The following C2orf76 variants were observed in gnomAD, a reference collection of about 807,000 sequenced individuals.
C2orf76 encodes the protein UPF0538 protein C2orf76.
C2orf76 carries 23 observed loss-of-function variants against 16.9 expected under a neutral mutation model. The ratio of observed to expected loss-of-function variants is 1.36; its 90% CI spans 0.98 to 1.93. C2orf76 has a LOEUF of 1.93. C2orf76 is among the 30% of genes most tolerant of loss of function. The pLI, the probability that C2orf76 is intolerant of heterozygous loss-of-function variation, is 0.00. For missense variants in C2orf76, 152 were observed against 152.6 expected (o/e 1.00, Z 0.02); for synonymous variants, 48 against 52.3 (o/e 0.92, Z 0.35).
At chr2:119,311,587 GT>G in intron 5 of C2orf76, 34 bp downstream of exon 5, 1 of 1,602,784 alleles carries the variant, frequency 6.2e-7, no homozygotes, top group Non-Finnish European at 8.5e-7. Context: ...GCCGGCAGAG[GT>G]CCCCCTCCAG....
At chr2:119,341,958 A>G (rs1680045574) in intron 1 of C2orf76, among the ~76,000 whole-genome samples, 1 of 152,226 alleles carries the variant, frequency 6.6e-6, no homozygotes, top group Admixed American at 6.5e-5. Flanking sequence ...TCTTTAGTAA[A>G]ACTGAAGATA....
At chr2:119,334,212 AG>A (rs1679765520) in intron 2 of C2orf76, among the ~76,000 whole-genome samples, 1 of 152,168 alleles carries the variant, frequency 6.6e-6, no homozygotes, top group Admixed American at 6.5e-5. Flanking sequence ...GTAGTTGCCA[AG>A]GGTGCAGCAT....
downstream of C2orf76, among the ~76,000 whole-genome samples, chr2:119,300,322 T>C (rs1451151914): frequency 6.6e-6 from 1 of 152,220 alleles, no homozygotes; most frequent in Non-Finnish European, 1.5e-5. Flanking sequence ...AGGCCAGGCC[T>C]TCCAAACTTC....
Position 119,302,514 on chromosome 2 carries a change from T to C in C2orf76, c.339A>G (p.Glu113=). 1 of 1,513,712 alleles carries C rather than the reference T, an allele frequency of 6.6e-7. No homozygotes were observed. Among genetic ancestry groups the C allele is most frequent in the Non-Finnish European group, 9.0e-7 (1 of 1,116,834 alleles). The allele number at this position is 1,513,712 out of a possible 1,614,324, so 93.8% of individuals were successfully genotyped here. A position where few individuals can be genotyped will look rare whatever the true frequency, so the allele number is the denominator to read the frequency against. Residue 113 remains glutamate, a synonymous_variant, in exon 6 of 6, where the codon GAA becomes GAG. Coordinates refer to ENST00000334816, the MANE Select transcript of C2orf76 (RefSeq NM_001322331.2). ...GATTAGCTTTGTAGTTCTTATAATC[T>C]TCTTCACAGAAGAATGCAATTTCAG... ...SETEIAFFCE[E]DYKNYKANPI...
the C2orf76 span, among the ~76,000 whole-genome samples, chr2:119,293,726 C>T: frequency 3.3e-5 from 5 of 152,258 alleles, no homozygotes; most frequent in East Asian, 1.9e-4. Flanking sequence ...ATACTCTGAA[C>T]GCCCGTGGAG....
At chr2:119,330,667 T>G (rs577255786) in intron 2 of C2orf76, among the ~76,000 whole-genome samples, 1 of 152,280 alleles carries the variant, frequency 6.6e-6, no homozygotes, top group Non-Finnish European at 1.5e-5. Flanking sequence ...CCCGTCCCTC[T>G]CTCCTTCACT....
rs551189058 is a variant in C2orf76 at position 119,320,960 on chromosome 2, C to T, written c.184+194G>A. Among the ~76,000 whole-genome samples, 7 of 152,284 alleles carry T rather than the reference C, an allele frequency of 4.6e-5. No individual in the cohort carries two copies. In the East Asian group the frequency reaches 1.3e-3, roughly 29 times the overall value. ...AAACACAGTTTTGGCAAACATGCTACTCTTTGCAAATACGCCACTTCCTTA... is the reference window on the plus strand; with the variant it reads ...AAACACAGTTTTGGCAAACATGCTATTCTTTGCAAATACGCCACTTCCTTA... On this transcript the variant is annotated intron_variant, in intron 3 of 5. Coordinates refer to ENST00000334816, the MANE Select transcript of C2orf76 (RefSeq NM_001322331.2).
chr2:119,346,030 G>A (rs935949598), intron 1 of C2orf76, among the ~76,000 whole-genome samples: 5 of 145,546 alleles, frequency 3.4e-5, no homozygotes, highest in Non-Finnish European at 7.5e-5. Context: ...ACTCCAGCCT[G>A]GGCGACAGAG....
At chr2:119,288,878 G>C in the C2orf76 span, among the ~76,000 whole-genome samples, 1 of 151,980 alleles carries the variant, frequency 6.6e-6, no homozygotes, top group African/African-American at 2.4e-5. Context: ...CATCCCCTCA[G>C]CCTTGGTGAG....
intron 1 of C2orf76, among the ~76,000 whole-genome samples, chr2:119,357,127 A>G (rs919627969): frequency 3.3e-5 from 5 of 152,162 alleles, no homozygotes; most frequent in African/African-American, 1.2e-4. Context: ...AGAACTCTAC[A>G]AAACATTTAA....
intron 5 of C2orf76, among the ~76,000 whole-genome samples, chr2:119,310,421 T>A (rs1678945126): frequency 6.6e-6 from 1 of 152,230 alleles, no homozygotes; most frequent in Admixed American, 6.5e-5. Flanking sequence ...AGTCTAAGAT[T>A]TCACAACATG....
chr2:119,334,703 A>AAAAT (rs1553448071), intron 2 of C2orf76, among the ~76,000 whole-genome samples: 25 of 146,192 alleles, frequency 1.7e-4, no homozygotes, highest in South Asian at 4.3e-4. Context: ...AAAAAAACAA[A>AAAAT]ATATATATAT....
At chr2:119,346,655 T>C (rs533845109) in intron 1 of C2orf76, among the ~76,000 whole-genome samples, 12 of 152,178 alleles carry the variant, frequency 7.9e-5, no homozygotes, top group African/African-American at 2.9e-4. Context: ...GAAAGAGGTG[T>C]CATGTCTGTG....
chr2:119,353,069 C>CA (rs1394608955), intron 1 of C2orf76, among the ~76,000 whole-genome samples: 15 of 152,236 alleles, frequency 9.9e-5, no homozygotes, highest in Admixed American at 5.9e-4. Context: ...AAGAAAATCA[C>CA]TGAATATGCA....
chr2:119,306,206 A>G (rs1340432744), intron 5 of C2orf76, among the ~76,000 whole-genome samples: 3 of 152,150 alleles, frequency 2.0e-5, no homozygotes, highest in Non-Finnish European at 4.4e-5. Flanking sequence ...AAATATTGCT[A>G]CCCAGAAAAA....
chr2:119,302,395 T>A lies in C2orf76; in HGVS notation c.*77A>T. On this transcript the variant is annotated 3_prime_UTR_variant, in exon 6 of 6. Coordinates refer to ENST00000334816, the MANE Select transcript of C2orf76 (RefSeq NM_001322331.2). ...CCTGGGATTAATTTTTTAAGATTTGTTTGTCAATTTCAAAAATTCAGCAGT... is the reference window on the plus strand; with the variant it reads ...CCTGGGATTAATTTTTTAAGATTTGATTGTCAATTTCAAAAATTCAGCAGT... 1 of 604,362 alleles carries A rather than the reference T, an allele frequency of 1.7e-6. No individual in the cohort carries two copies. Among genetic ancestry groups the A allele is most frequent in the Non-Finnish European group, 2.9e-6 (1 of 339,006 alleles). The allele number at this position is 604,362 out of a possible 1,614,324, so 37.4% of individuals were successfully genotyped here.
chr2:119,313,824 T>C (rs752167548), intron 4 of C2orf76, among the ~76,000 whole-genome samples: 23 of 152,118 alleles, frequency 1.5e-4, no homozygotes, highest in Non-Finnish European at 3.2e-4. Flanking sequence ...GTGGATTAAG[T>C]ATAGTCTTAA....
chr2:119,357,259 AGAC>A (rs1680600289), intron 1 of C2orf76, among the ~76,000 whole-genome samples: 2 of 145,518 alleles, frequency 1.4e-5, no homozygotes, highest in Admixed American at 6.8e-5. Flanking sequence ...ACTAAAAAAA[AGAC>A]AACAACAGAC....
At chr2:119,295,886 C>T in the C2orf76 span, among the ~76,000 whole-genome samples, 1 of 152,176 alleles carries the variant, frequency 6.6e-6, no homozygotes, top group Admixed American at 6.5e-5. Context: ...TAACAAATCA[C>T]ACCGTCGAGC....
Sources: gnomAD v4.1 joint callset for allele counts (sites outside exome capture counted in the v4.1 genomes callset) on GRCh38, gnomAD v4.1.1 for gene constraint, MANE v1.5 for transcripts, NCBI Gene and HGNC (gene_info 2026-07-23, HGNC 2026-07-21) for gene names.